The following KIAA1671 variants were observed in gnomAD, a reference collection of about 807,000 sequenced individuals.
KIAA1671 encodes the protein uncharacterized protein KIAA1671.
Under a neutral mutation model 131.2 loss-of-function variants are expected in KIAA1671, and 52 were observed. The ratio of observed to expected loss-of-function variants is 0.40; its 90% CI spans 0.32 to 0.50. The LOEUF (loss-of-function observed/expected upper bound fraction) is 0.50. KIAA1671 is among the 20% of genes least tolerant of loss of function. KIAA1671 has a pLI of 0.73. For missense variants in KIAA1671, 2,360 were observed against 2,364.2 expected, an observed-to-expected ratio of 1.00 and a Z score of 0.04; for synonymous variants, 1,003 against 961.6, an observed-to-expected ratio of 1.04 and a Z score of -0.80.
At chr22:25,145,412 G>A (rs1360371210) in intron 6 of KIAA1671, among the ~76,000 whole-genome samples, 1 of 152,304 alleles carries the variant, frequency 6.6e-6, no homozygotes, top group East Asian at 1.9e-4. Flanking sequence ...TTTCCCCAAG[G>A]CCACACAGCA....
chr22:25,161,442 C>G (rs1246057188), intron 6 of KIAA1671, among the ~76,000 whole-genome samples: 2 of 152,244 alleles, frequency 1.3e-5, no homozygotes, highest in African/African-American at 4.8e-5. Flanking sequence ...CTAGGCAGAG[C>G]CAACAGCTCA....
chr22:24,999,256 A>G (rs1000445154), intron 1 of KIAA1671, among the ~76,000 whole-genome samples: 4 of 152,122 alleles, frequency 2.6e-5, no homozygotes, highest in African/African-American at 9.7e-5. Flanking sequence ...AGAGAGCACA[A>G]TAGGGTCTTG....
At chr22:24,954,372 G>A (rs1380757832) in intron 1 of KIAA1671, among the ~76,000 whole-genome samples, 1 of 152,088 alleles carries the variant, frequency 6.6e-6, no homozygotes, top group African/African-American at 2.4e-5. Context: ...CAGTTCCCGA[G>A]GAATTTGTAC....
chr22:25,121,178 G>C (rs1168520497), intron 6 of KIAA1671, among the ~76,000 whole-genome samples: 1 of 152,192 alleles, frequency 6.6e-6, no homozygotes, highest in Non-Finnish European at 1.5e-5. Flanking sequence ...GGAGTCTTTA[G>C]TTGGCCGGGC....
At chr22:25,121,418 C>T (rs960261339) in intron 6 of KIAA1671, among the ~76,000 whole-genome samples, 4 of 150,064 alleles carry the variant, frequency 2.7e-5, no homozygotes, top group South Asian at 2.1e-4. Flanking sequence ...GCCAAGATCA[C>T]GCCACTGCAC....
At chr22:25,188,969 C>T (rs997950772) in intron 11 of KIAA1671, among the ~76,000 whole-genome samples, 2 of 151,962 alleles carry the variant, frequency 1.3e-5, no homozygotes, top group Non-Finnish European at 2.9e-5. Context: ...TGTAGACACA[C>T]GTATGTATGT....
Position 25,047,808 on chromosome 22 carries a change from G to A in KIAA1671, c.4396-1422G>A, listed in dbSNP as rs1305996343. 2.0e-5 allele frequency among the ~76,000 whole-genome samples: 3 copies of A among 152,284 alleles called. No individual in the cohort carries two copies. In the South Asian group the frequency reaches 6.2e-4, roughly 32 times the overall value. ...TAATGGTACCCTTTAAAGCACAAAA[G>A]TTTTTAATTTTGAAGAAGTCTATTT... On this transcript the variant is annotated intron_variant, in intron 5 of 12. Transcript: ENST00000358431.
At chr22:25,057,875 G>A (rs2145831311) in intron 6 of KIAA1671, 1 of 152,374 alleles carries the variant, frequency 6.6e-6, no homozygotes, top group Middle Eastern at 3.4e-3. Context: ...TCCTGGGCTT[G>A]AGCTATTCAC....
At chr22:25,176,479 C>T (rs971281981) in intron 8 of KIAA1671, 3 of 152,218 alleles carry the variant, frequency 2.0e-5, no homozygotes, top group African/African-American at 7.2e-5. Context: ...GAAACAAGGG[C>T]TTTCCACACC....
Position 25,040,218 on chromosome 22 carries a change from G to A in KIAA1671, c.3088G>A (p.Val1030Ile). The A allele has an allele frequency of 1.2e-5, 19 of 1,551,736 alleles. No individual in the cohort carries two copies. Among genetic ancestry groups the A allele is most frequent in the Non-Finnish European group, 1.7e-5 (19 of 1,147,010 alleles). ...PVEPKATFFAVTYQIPNTQKA... is the reference protein window; with the variant it reads ...PVEPKATFFAITYQIPNTQKA... ...GGAACCCAAGGCGACATTTTTTGCA[G>A]TCACCTATCAGATTCCCAATACTCA... The change falls in exon 5 of 13, where the codon GTC becomes ATC. Residue 1030 changes from valine to isoleucine, a missense_variant. Physicochemically the swap from Val to Ile is conservative, Grantham distance 29. This residue lies in a region of KIAA1671 where 1,161 missense variants were observed against 1,204.7 expected (regional missense o/e 0.96). Coordinates refer to ENST00000358431, the MANE Select transcript of KIAA1671 (RefSeq NM_001145206.2).
Position 25,040,937 on chromosome 22 carries a change from T to C in KIAA1671, c.3807T>C (p.Asn1269=), listed in dbSNP as rs1040421. ...AACCGGCCAGTTCTGCCGAAATAAATCACAGTTTCACTCCTGGCTTAGGCA... is the reference window on the plus strand; with the variant it reads ...AACCGGCCAGTTCTGCCGAAATAAACCACAGTTTCACTCCTGGCTTAGGCA... The part of the protein sequence containing the change: ...LWKPASSAEI[N]HSFTPGLGKQ... Residue 1269 remains asparagine (N), a synonymous_variant, in exon 5 of 13, where the codon AAT becomes AAC. Coordinates refer to ENST00000358431, the MANE Select transcript of KIAA1671 (RefSeq NM_001145206.2). The C allele has an allele frequency of 0.69, 1,025,073 of 1,481,874 alleles. 358,383 individuals carry two copies. Among genetic ancestry groups the C allele is most frequent in the African/African-American group, 0.93 (66,112 of 70,710 alleles). The allele number at this position is 1,481,874 out of a possible 1,614,324, so 91.8% of individuals were successfully genotyped here.
At chr22:25,168,409 G>A (rs572536710) in intron 6 of KIAA1671, among the ~76,000 whole-genome samples, 1 of 152,338 alleles carries the variant, frequency 6.6e-6, no homozygotes, top group African/African-American at 2.4e-5. Context: ...AGTCATCCAG[G>A]GTATACAGTG....
At chr22:25,163,016 T>C (rs1933499546) in intron 6 of KIAA1671, among the ~76,000 whole-genome samples, 1 of 152,162 alleles carries the variant, frequency 6.6e-6, no homozygotes, top group Non-Finnish European at 1.5e-5. Context: ...ACAACACACA[T>C]TGTTTTGTTA....
chr22:25,089,163 A>T (rs1374948560), intron 6 of KIAA1671, among the ~76,000 whole-genome samples: 1 of 151,812 alleles, frequency 6.6e-6, no homozygotes, highest in East Asian at 1.9e-4. Context: ...AATACTACCC[A>T]ATTTTATGTA....
chr22:25,176,181 CT>C (rs1226926491), intron 8 of KIAA1671: 3 of 152,312 alleles, frequency 2.0e-5, no homozygotes, highest in Non-Finnish European at 4.4e-5. Context: ...TGATTTCCGT[CT>C]TTCCCCCTCT....
At chr22:25,001,667 C>A (rs1304808751) in intron 1 of KIAA1671, among the ~76,000 whole-genome samples, 1 of 152,092 alleles carries the variant, frequency 6.6e-6, no homozygotes, top group Non-Finnish European at 1.5e-5. Flanking sequence ...CTCTCAGAAT[C>A]CTTTAGGGCA....
chr22:25,112,069 G>A, intron 6 of KIAA1671: 1 of 397,790 alleles, frequency 2.5e-6, no homozygotes, highest in Non-Finnish European at 4.4e-6. Context: ...CTCCAAGCAA[G>A]CCCAAAACTT....
rs958920288 is a variant in KIAA1671 at position 25,038,924 on chromosome 22, C to T, written c.1794C>T (p.Asp598=). 9.7e-6 allele frequency: 15 copies of T among 1,551,610 alleles called. No individual in the cohort carries two copies. The African/African-American group carries it at 1.5e-4, about 16-fold the overall frequency. ...CAGTGGAGGCCCCGTGCCCTTCTGA[C>T]GTCACTCCAGAGGATGACCGGAGCT... ...GSSVEAPCPS[D]VTPEDDRSFQ... is the part of the protein sequence containing the mutation. Residue 598 remains aspartate (D), a synonymous_variant, in exon 5 of 13, where the codon GAC becomes GAT. Transcript: ENST00000358431.
Position 25,164,980 on chromosome 22 carries a change from T to TGTGTGC in KIAA1671, c.4531-5835_4531-5834insCGTGTG, listed in dbSNP as rs1293931183. On this transcript the variant is annotated intron_variant, in intron 6 of 12. Transcript: ENST00000358431. ...AAAAAAAGAGAGAGAGTTGCAGGCGTGTGTGTGTGTGTGTGTGTGTGTGTG... is the reference window on the plus strand; with the variant it reads ...AAAAAAAGAGAGAGAGTTGCAGGCGTGTGTGCGTGTGTGTGTGTGTGTGTGTGTGTG... 3.7e-3 allele frequency among the ~76,000 whole-genome samples: 247 copies of TGTGTGC among 66,018 alleles called. 3 individuals carry two copies. The highest frequency in any genetic ancestry group is 0.02 in the African/African-American group (237 of 11,942). The allele number at this position is 66,018 out of a possible 152,430, so 43.3% of individuals were successfully genotyped here. A position where few individuals can be genotyped will look rare whatever the true frequency, so the allele number is the denominator to read the frequency against.
Sources: allele counts gnomAD v4.1 joint callset (sites outside exome capture counted in the v4.1 genomes callset), GRCh38; gene constraint gnomAD v4.1.1; regional missense constraint gnomAD v4.1.1; transcripts MANE v1.5; gene names NCBI Gene and HGNC (gene_info 2026-07-23, HGNC 2026-07-21).